The following CTNNA2 variants were observed in gnomAD, a reference collection of about 807,000 sequenced individuals.
CTNNA2 encodes catenin alpha 2.
Under a neutral mutation model 101.0 loss-of-function variants are expected in CTNNA2, and 42 were observed. That is an observed-to-expected ratio of 0.42 (90% CI 0.32 to 0.54). CTNNA2 has a LOEUF of 0.54. Among genes scored for constraint, CTNNA2 ranks in the 20% least tolerant of loss-of-function variants. CTNNA2 has a pLI of 0.14. For synonymous variants in CTNNA2, 450 were observed against 456.4 expected (o/e 0.99, Z 0.18); for missense variants, 871 against 1,223.1 (o/e 0.71, Z 4.29).
chr2:79,674,524 A>G (rs1009267882), intron 2 of CTNNA2, among the ~76,000 whole-genome samples: 2 of 152,200 alleles, frequency 1.3e-5, no homozygotes, highest in South Asian at 2.1e-4. Flanking sequence ...CCCCATCACT[A>G]AATCATCATA....
At chr2:79,580,687 A>C (rs2103898574) in intron 1 of CTNNA2, among the ~76,000 whole-genome samples, 1 of 152,340 alleles carries the variant, frequency 6.6e-6, no homozygotes. Context: ...ATAGAGACAA[A>C]GGAGAAATAT....
At chr2:80,551,282 T>A (rs2149647392) in intron 11 of CTNNA2, among the ~76,000 whole-genome samples, 1 of 152,234 alleles carries the variant, frequency 6.6e-6, no homozygotes, top group African/African-American at 2.4e-5. Context: ...ACAGGCAGAG[T>A]AGATTTAGCA....
At chr2:80,434,523 C>A (rs1342355176) in intron 9 of CTNNA2, among the ~76,000 whole-genome samples, 1 of 135,788 alleles carries the variant, frequency 7.4e-6, no homozygotes, top group African/African-American at 2.9e-5. Flanking sequence ...CAGGGTTTCA[C>A]CCTGTCACTC....
At chr2:79,678,378 C>G (rs759655371) in intron 2 of CTNNA2, among the ~76,000 whole-genome samples, 15 of 151,662 alleles carry the variant, frequency 9.9e-5, no homozygotes, top group Non-Finnish European at 2.2e-4. Context: ...CCTGTCTCTA[C>G]AAAAAAATCC....
At chr2:80,117,330 A>G (rs1295213850) in intron 7 of CTNNA2, among the ~76,000 whole-genome samples, 1 of 152,160 alleles carries the variant, frequency 6.6e-6, no homozygotes, top group East Asian at 1.9e-4. Context: ...CATAGTTTAC[A>G]TAAATTCCGT....
chr2:80,232,775 T>C (rs893395379), intron 7 of CTNNA2, among the ~76,000 whole-genome samples: 1 of 152,068 alleles, frequency 6.6e-6, no homozygotes, highest in South Asian at 2.1e-4. Context: ...CCAATGTCAC[T>C]TCGTTAGATA....
At chr2:80,207,519 G>A (rs907258886) in intron 7 of CTNNA2, among the ~76,000 whole-genome samples, 1 of 152,170 alleles carries the variant, frequency 6.6e-6, no homozygotes, top group Non-Finnish European at 1.5e-5. Context: ...CTGAACTAGG[G>A]CTTATGGCAT....
chr2:80,588,938 G>A (rs1214421922), intron 14 of CTNNA2, among the ~76,000 whole-genome samples: 1 of 152,092 alleles, frequency 6.6e-6, no homozygotes, highest in Non-Finnish European at 1.5e-5. Flanking sequence ...TTTCAGTGTT[G>A]AAAGAGGTGC....
chr2:80,392,490 T>G (rs767169139), intron 7 of CTNNA2, among the ~76,000 whole-genome samples: 1 of 152,190 alleles, frequency 6.6e-6, no homozygotes, highest in African/African-American at 2.4e-5. Flanking sequence ...TTTAATTGTT[T>G]TTCTGTACCC....
intron 7 of CTNNA2, among the ~76,000 whole-genome samples, chr2:80,035,665 A>G (rs757303675): frequency 2.6e-5 from 4 of 152,206 alleles, no homozygotes; most frequent in African/African-American, 4.8e-5. Context: ...TCCATCTGAA[A>G]TCAAGTATCT....
chr2:80,035,178 A>G (rs1485464144), intron 7 of CTNNA2, among the ~76,000 whole-genome samples: 2 of 152,148 alleles, frequency 1.3e-5, no homozygotes, highest in African/African-American at 4.8e-5. Flanking sequence ...CAACATAAAG[A>G]GGAGTGTGTG....
At chr2:79,272,320 T>G in intron 2 of CTNNA2, among the ~76,000 whole-genome samples, 1 of 152,042 alleles carries the variant, frequency 6.6e-6, no homozygotes, top group East Asian at 1.9e-4. Flanking sequence ...TCCCTGTTTA[T>G]GTGCCCATAA....
At chr2:79,945,032 GT>G (rs1356201910) in intron 7 of CTNNA2, among the ~76,000 whole-genome samples, 5 of 152,118 alleles carry the variant, frequency 3.3e-5, no homozygotes, top group Admixed American at 6.5e-5. Flanking sequence ...TTTGGTTGTT[GT>G]TTTTTGTTTT....
chr2:79,388,645 A>G lies in CTNNA2; in HGVS notation c.-135+14632A>G, dbSNP rs191681681. Among the ~76,000 whole-genome samples the G allele has an allele frequency of 3.9e-5, 6 of 152,224 alleles. No homozygotes were observed. The East Asian group carries it at 1.2e-3, about 30-fold the overall frequency. On this transcript the variant is annotated intron_variant, in intron 4 of 21. Transcript: ENST00000466387. ...TCTACCTCTGCCCTCCTCCCACTCTACATTGCTGGGCTCCAGACTTTCTGC... is the reference window on the plus strand; with the variant it reads ...TCTACCTCTGCCCTCCTCCCACTCTGCATTGCTGGGCTCCAGACTTTCTGC...
At chr2:80,007,126 T>A (rs1693427059) in intron 7 of CTNNA2, among the ~76,000 whole-genome samples, 1 of 152,178 alleles carries the variant, frequency 6.6e-6, no homozygotes, top group Non-Finnish European at 1.5e-5. Flanking sequence ...CAGTTCCACA[T>A]CTCAATTGAG....
intron 7 of CTNNA2, among the ~76,000 whole-genome samples, chr2:80,117,260 G>C (rs988414074): frequency 6.6e-6 from 1 of 152,078 alleles, no homozygotes; most frequent in Non-Finnish European, 1.5e-5. Context: ...CACTCAGACT[G>C]TAGTTCTTTA....
At chr2:79,392,712 A>G (rs1337263467) in intron 4 of CTNNA2, among the ~76,000 whole-genome samples, 1 of 152,172 alleles carries the variant, frequency 6.6e-6, no homozygotes, top group Non-Finnish European at 1.5e-5. Flanking sequence ...CATGAATACA[A>G]TGGAAATCTC....
chr2:79,504,019 T>C (rs1256472081), intron 4 of CTNNA2, among the ~76,000 whole-genome samples: 1 of 152,098 alleles, frequency 6.6e-6, no homozygotes, highest in Non-Finnish European at 1.5e-5. Flanking sequence ...TGTTAGAAGC[T>C]TAGACAACCC....
At chr2:79,500,292 T>C (rs1181084596) in intron 4 of CTNNA2, among the ~76,000 whole-genome samples, 2 of 152,318 alleles carry the variant, frequency 1.3e-5, no homozygotes, top group East Asian at 3.9e-4. Flanking sequence ...TTATATTACA[T>C]ATTTATTTGT....
Sources: gnomAD v4.1 joint callset for allele counts (sites outside exome capture counted in the v4.1 genomes callset) on GRCh38, gnomAD v4.1.1 for gene constraint, MANE v1.5 for transcripts, NCBI Gene and HGNC (gene_info 2026-07-23, HGNC 2026-07-21) for gene names.